Variants in HIVEP3 observed in about 807,000 individuals in gnomAD.
The protein encoded by HIVEP3 is HIVEP zinc finger 3.
HIVEP3 carries 49 observed loss-of-function variants against 152.8 expected under a neutral mutation model. The observed-to-expected ratio is 0.32, with a 90% CI of 0.26 to 0.41. The LOEUF (loss-of-function observed/expected upper bound fraction) is 0.41, where lower values mean the gene tolerates loss of function less well. HIVEP3 is among the 10% of genes least tolerant of loss of function. HIVEP3 has a pLI of 1.00. For missense variants in HIVEP3, 2,790 were observed against 3,103.3 expected (o/e 0.90, Z 2.40); for synonymous variants, 1,269 against 1,289.0 (o/e 0.98, Z 0.33).
intron 1 of HIVEP3, among the ~76,000 whole-genome samples, chr1:41,728,283 G>A (rs1293873086): frequency 6.6e-6 from 1 of 152,206 alleles, no homozygotes; most frequent in Admixed American, 6.5e-5. Context: ...TAGGTTGCAA[G>A]GAATAAATGA....
intron 1 of HIVEP3, among the ~76,000 whole-genome samples, chr1:42,026,839 C>T (rs965981292): frequency 6.6e-6 from 1 of 152,224 alleles, no homozygotes; most frequent in Non-Finnish European, 1.5e-5. Context: ...TTGCAAGCAA[C>T]AGATACAGCT....
At chr1:41,529,793 C>A (rs1306054487) in intron 5 of HIVEP3, among the ~76,000 whole-genome samples, 1 of 149,130 alleles carries the variant, frequency 6.7e-6, no homozygotes, top group Non-Finnish European at 1.5e-5. Context: ...CACACTCATA[C>A]ATACACATAA....
chr1:41,512,579 C>T (rs993081427), intron 8 of HIVEP3, among the ~76,000 whole-genome samples: 2 of 152,226 alleles, frequency 1.3e-5, no homozygotes, highest in Non-Finnish European at 2.9e-5. Context: ...CCCATGAACT[C>T]CAGAGTCCAT....
At chr1:41,842,965 T>G (rs1249000045) in intron 1 of HIVEP3, among the ~76,000 whole-genome samples, 1 of 152,178 alleles carries the variant, frequency 6.6e-6, no homozygotes, top group African/African-American at 2.4e-5. Flanking sequence ...GAGAAAGATT[T>G]TTGTTTCAAA....
intron 1 of HIVEP3, among the ~76,000 whole-genome samples, chr1:41,829,199 T>C (rs946120288): frequency 5.9e-5 from 9 of 152,234 alleles, no homozygotes; most frequent in Admixed American, 1.3e-4. Context: ...CACTTCGATA[T>C]GGCATGCTTA....
chr1:41,659,955 T>G (rs1645687266), intron 2 of HIVEP3, among the ~76,000 whole-genome samples: 1 of 152,198 alleles, frequency 6.6e-6, no homozygotes, highest in South Asian at 2.1e-4. Flanking sequence ...GATGAATGTG[T>G]GTGTGTGAGA....
intron 2 of HIVEP3, among the ~76,000 whole-genome samples, chr1:41,653,458 T>A (rs1645581931): frequency 6.6e-6 from 1 of 152,170 alleles, no homozygotes; most frequent in African/African-American, 2.4e-5. Context: ...CATTGGACTT[T>A]CATTTTCTCC....
chr1:41,536,320 G>A (rs1023736856), intron 5 of HIVEP3, among the ~76,000 whole-genome samples: 6 of 152,230 alleles, frequency 3.9e-5, no homozygotes, highest in Middle Eastern at 3.4e-3. Flanking sequence ...AATTCATGAC[G>A]TCTACGTGCT....
At chr1:41,828,218 G>T (rs1420811930) in intron 1 of HIVEP3, among the ~76,000 whole-genome samples, 1 of 152,150 alleles carries the variant, frequency 6.6e-6, no homozygotes, top group East Asian at 1.9e-4. Flanking sequence ...ACAGCCCTGG[G>T]TGGCCACCCA....
chr1:41,858,205 C>A (rs1413057543), intron 1 of HIVEP3, among the ~76,000 whole-genome samples: 1 of 152,190 alleles, frequency 6.6e-6, no homozygotes, highest in Non-Finnish European at 1.5e-5. Flanking sequence ...CCACAGCACT[C>A]TGCTCTGTTG....
intron 1 of HIVEP3, among the ~76,000 whole-genome samples, chr1:41,853,388 T>C (rs899986172): frequency 3.9e-5 from 6 of 152,002 alleles, no homozygotes; most frequent in African/African-American, 1.4e-4. Flanking sequence ...TGGTGAAAGG[T>C]GAAGGGGAAG....
At chr1:41,726,362 A>G (rs1336649529) in intron 1 of HIVEP3, among the ~76,000 whole-genome samples, 1 of 152,178 alleles carries the variant, frequency 6.6e-6, no homozygotes, top group East Asian at 1.9e-4. Context: ...TACCAAATAG[A>G]ACCAGCAGGC....
intron 3 of HIVEP3, among the ~76,000 whole-genome samples, chr1:41,607,476 G>C (rs1644837700): frequency 6.6e-6 from 1 of 152,040 alleles, no homozygotes; most frequent in Non-Finnish European, 1.5e-5. Context: ...GATATTATAG[G>C]TTATTTCACT....
At chr1:41,780,327 G>C (rs1648968245) in intron 1 of HIVEP3, among the ~76,000 whole-genome samples, 1 of 152,200 alleles carries the variant, frequency 6.6e-6, no homozygotes, top group African/African-American at 2.4e-5. Context: ...AAGTGCCAAA[G>C]GGAGCACCAG....
At chr1:41,983,492 G>A (rs1645305412) in intron 1 of HIVEP3, among the ~76,000 whole-genome samples, 1 of 152,010 alleles carries the variant, frequency 6.6e-6, no homozygotes, top group African/African-American at 2.4e-5. Flanking sequence ...ATTATTTCTG[G>A]AATATAAATG....
intron 5 of HIVEP3, among the ~76,000 whole-genome samples, chr1:41,564,875 C>A (rs759569149): frequency 6.6e-6 from 1 of 152,112 alleles, no homozygotes; most frequent in Non-Finnish European, 1.5e-5. Flanking sequence ...GCAGAGAGGA[C>A]CTCCGGGAGT....
chr1:41,800,464 G>A (rs1055915834), intron 1 of HIVEP3, among the ~76,000 whole-genome samples: 1 of 152,262 alleles, frequency 6.6e-6, no homozygotes, highest in African/African-American at 2.4e-5. Flanking sequence ...CTGGCACCAG[G>A]CCCCTCGATG....
At chr1:41,956,151 A>G (rs932585323) in intron 1 of HIVEP3, among the ~76,000 whole-genome samples, 6 of 152,204 alleles carry the variant, frequency 3.9e-5, no homozygotes, top group African/African-American at 4.8e-5. Context: ...AAATTATAAC[A>G]GTCAGGAGAA....
Position 41,511,331 on chromosome 1 carries a change from C to T in HIVEP3, c.6406-65G>A, listed in dbSNP as rs1644453466. ...ATGCTGGGCACATGGGGAGCCGAGG[C>T]CTGGAAGTGGGAGGGGGACTCGCCC... On this transcript the variant is annotated intron_variant, in intron 8 of 8. Transcript: ENST00000372583. The surrounding 1 kb of genome is among the most constrained non-coding windows in gnomAD (Gnocchi z 4.9). 1 of 1,380,200 alleles carries T rather than the reference C, an allele frequency of 7.2e-7. No individual in the cohort carries two copies. Among genetic ancestry groups the T allele is most frequent in the Non-Finnish European group, 9.7e-7 (1 of 1,026,760 alleles). 85.5% of individuals were successfully genotyped at this position (1,380,200 alleles called of 1,614,324 possible).
Sources: allele counts gnomAD v4.1 joint callset (sites outside exome capture counted in the v4.1 genomes callset), GRCh38; gene constraint gnomAD v4.1.1; non-coding constraint Gnocchi (gnomAD v3.1); transcripts MANE v1.5; gene names NCBI Gene and HGNC (gene_info 2026-07-23, HGNC 2026-07-21).